Variants in CACNB2 observed in about 807,000 individuals in gnomAD.
CACNB2 encodes calcium voltage-gated channel auxiliary subunit beta 2.
In CACNB2, 42 loss-of-function variants were observed where a neutral mutation model predicts 73.3. That is an observed-to-expected ratio of 0.57 (90% CI 0.45 to 0.74). CACNB2 has a LOEUF of 0.74. Among genes scored for constraint, CACNB2 ranks in the 30% least tolerant of loss-of-function variants. The pLI, the probability that CACNB2 is intolerant of heterozygous loss-of-function variation, is 0.00. For synonymous variants in CACNB2, 348 were observed against 310.3 expected (o/e 1.12, Z -1.28); for missense variants, 940 against 853.0 (o/e 1.10, Z -1.27).
chr10:18,252,397 C>T, intron 2 of CACNB2, among the ~76,000 whole-genome samples: 1 of 149,130 alleles, frequency 6.7e-6, no homozygotes, highest in East Asian at 2.1e-4. Flanking sequence ...AATTACATAA[C>T]CGACCGAGTT....
Position 18,532,785 on chromosome 10 carries a change from C to T in CACNB2, c.1055-1291C>T, listed in dbSNP as rs1033156583. 3.3e-5 allele frequency among the ~76,000 whole-genome samples: 5 copies of T among 151,074 alleles called. No individual in the cohort carries two copies. The South Asian group carries it at 8.3e-4, about 25-fold the overall frequency. On this transcript the variant is annotated intron_variant, in intron 10 of 13. Coordinates refer to ENST00000324631, the MANE Select transcript of CACNB2 (RefSeq NM_201596.3). Reference sequence around the variant, plus strand: ...AAACCTTTAAAAGCAAGGAGTTACACGGGATGCTGTGACTGTCTGAACACT... The same window carrying T: ...AAACCTTTAAAAGCAAGGAGTTACATGGGATGCTGTGACTGTCTGAACACT...
At chr10:18,482,085 G>C (rs774627581) in intron 3 of CACNB2, among the ~76,000 whole-genome samples, 1 of 151,628 alleles carries the variant, frequency 6.6e-6, no homozygotes, top group Admixed American at 6.6e-5. Context: ...GTAGAGATGG[G>C]GTTTTGCCAT....
intron 3 of CACNB2, among the ~76,000 whole-genome samples, chr10:18,465,369 A>G (rs1461381265): frequency 1.3e-5 from 2 of 152,160 alleles, no homozygotes; most frequent in Non-Finnish European, 2.9e-5. Flanking sequence ...TTCAGGGCTA[A>G]ATATGTACAT....
intron 2 of CACNB2, among the ~76,000 whole-genome samples, chr10:18,190,508 T>C (rs548919463): frequency 3.9e-5 from 6 of 152,310 alleles, no homozygotes; most frequent in African/African-American, 1.2e-4. Context: ...TGAATGCTCA[T>C]AGCATGCTGT....
chr10:18,194,395 A>C (rs894507970), intron 2 of CACNB2, among the ~76,000 whole-genome samples: 6 of 151,082 alleles, frequency 4.0e-5, no homozygotes, highest in African/African-American at 1.5e-4. Context: ...AGTTGTAAAG[A>C]CTGTAGGCTA....
chr10:18,444,161 G>A (rs1026456566), intron 3 of CACNB2, among the ~76,000 whole-genome samples: 3 of 152,134 alleles, frequency 2.0e-5, no homozygotes, highest in African/African-American at 7.2e-5. Flanking sequence ...GGTTTTAGGA[G>A]GGGGTGCCTT....
chr10:18,153,676 G>T (rs960556141), intron 2 of CACNB2, among the ~76,000 whole-genome samples: 1 of 150,230 alleles, frequency 6.7e-6, no homozygotes, highest in South Asian at 2.2e-4. Context: ...CTGCCTCCTG[G>T]GTTCAAGTGA....
chr10:18,357,067 C>G (rs552411569), intron 2 of CACNB2, among the ~76,000 whole-genome samples: 148 of 149,262 alleles, frequency 9.9e-4, no homozygotes, highest in African/African-American at 3.6e-3. Flanking sequence ...GCCTCAGCCT[C>G]CCGTGTAGCT....
chr10:18,449,258 G>A (rs1332418628), intron 3 of CACNB2, among the ~76,000 whole-genome samples: 18 of 152,098 alleles, frequency 1.2e-4, no homozygotes, highest in Non-Finnish European at 1.3e-4. Context: ...GGTGGCGGGC[G>A]CCTGTAGTCC....
At chr10:18,491,902 G>C (rs529147919) in intron 3 of CACNB2, among the ~76,000 whole-genome samples, 27 of 140,862 alleles carry the variant, frequency 1.9e-4, no homozygotes, top group African/African-American at 5.5e-4. Flanking sequence ...ATATGTATCA[G>C]TACATTCTTG....
At chr10:18,258,375 A>G (rs773469749) in intron 2 of CACNB2, among the ~76,000 whole-genome samples, 7 of 152,198 alleles carry the variant, frequency 4.6e-5, no homozygotes, top group Non-Finnish European at 8.8e-5. Context: ...CTAAATTTTT[A>G]TTCTTTATTC....
intron 12 of CACNB2, among the ~76,000 whole-genome samples, chr10:18,537,623 A>G (rs1357563486): frequency 6.6e-6 from 1 of 151,976 alleles, no homozygotes; most frequent in Non-Finnish European, 1.5e-5. Context: ...CTAAAAATAC[A>G]AAAATTAGCA....
At chr10:18,368,573 A>G (rs2042449308) in intron 2 of CACNB2, among the ~76,000 whole-genome samples, 1 of 152,208 alleles carries the variant, frequency 6.6e-6, no homozygotes, top group African/African-American at 2.4e-5. Flanking sequence ...TATTTTGAGG[A>G]ATGGTGTTAA....
chr10:18,534,152 A>C lies in CACNB2; in HGVS notation c.1131A>C (p.Thr377=). 6.2e-7 allele frequency: 1 copy of C among 1,613,888 alleles called. No homozygotes were observed. The highest frequency in any genetic ancestry group is 1.1e-5 in the South Asian group (1 of 91,066). ...TLQLVVLDAD[T]INHPAQLSKT... ...AGTTGGTGGTCCTTGACGCGGATACAATTAATCATCCAGCTCAACTCAGTA... is the reference window on the plus strand; with the variant it reads ...AGTTGGTGGTCCTTGACGCGGATACCATTAATCATCCAGCTCAACTCAGTA... Residue 377 remains threonine (T), a synonymous_variant, in exon 11 of 14, where the codon ACA becomes ACC. Transcript: ENST00000324631.
intron 2 of CACNB2, among the ~76,000 whole-genome samples, chr10:18,216,969 C>T (rs74117916): frequency 0.024 from 3,624 of 152,252 alleles, 144 homozygotes; most frequent in African/African-American, 0.084. Flanking sequence ...TATTTTCTAG[C>T]AATAACCCAG....
At chr10:18,443,018 A>ATG (rs1554820409) in intron 3 of CACNB2, among the ~76,000 whole-genome samples, 1 of 69,966 alleles carries the variant, frequency 1.4e-5, no homozygotes, top group Non-Finnish European at 2.9e-5. Context: ...ATATATGTAT[A>ATG]TATATATATA....
At position 18,368,727 on chromosome 10, in the gene CACNB2, A is replaced by G. The variant is rs569551553; in HGVS notation, c.214-33197A>G. 1.6e-4 allele frequency among the ~76,000 whole-genome samples: 25 copies of G among 152,320 alleles called. No homozygotes were observed. In the Middle Eastern group the frequency reaches 0.01, roughly 62 times the overall value. On this transcript the variant is annotated intron_variant, in intron 2 of 13. Coordinates refer to ENST00000324631, the MANE Select transcript of CACNB2 (RefSeq NM_201596.3). Reference sequence around the variant, plus strand: ...TACAAACATTCATTAATTAACCCTCATGTGTTTAAAATATACACCTGTTAT... The same window carrying G: ...TACAAACATTCATTAATTAACCCTCGTGTGTTTAAAATATACACCTGTTAT...
chr10:18,236,351 G>T lies in CACNB2; in HGVS notation c.213+85376G>T, dbSNP rs538391943. On this transcript the variant is annotated intron_variant, in intron 2 of 13. Transcript: ENST00000324631. Reference sequence around the variant, plus strand: ...AGTCTCCAAAATGGCAGGAAAGGGCGCAAGCCCACAGTATGGACATCTCTG... The same window carrying T: ...AGTCTCCAAAATGGCAGGAAAGGGCTCAAGCCCACAGTATGGACATCTCTG... Among the ~76,000 whole-genome samples, 84 of 152,320 alleles carry T rather than the reference G, an allele frequency of 5.5e-4. 1 individual carries two copies. Among genetic ancestry groups the T allele is most frequent in the African/African-American group, 1.9e-3 (81 of 41,574 alleles).
chr10:18,432,898 G>A (rs1187976509), intron 3 of CACNB2, among the ~76,000 whole-genome samples: 1 of 152,050 alleles, frequency 6.6e-6, no homozygotes, highest in Non-Finnish European at 1.5e-5. Flanking sequence ...CATTGATGTT[G>A]TATTTCAAAG....
Sources: allele counts gnomAD v4.1 joint callset (sites outside exome capture counted in the v4.1 genomes callset), GRCh38; gene constraint gnomAD v4.1.1; transcripts MANE v1.5; gene names NCBI Gene and HGNC (gene_info 2026-07-23, HGNC 2026-07-21).